The following FOXP2 variants were observed in gnomAD, a reference collection of about 807,000 sequenced individuals.
The protein encoded by FOXP2 is forkhead box protein P2.
A neutral mutation model predicts 115.8 loss-of-function variants in FOXP2; 12 were observed. That is an observed-to-expected ratio of 0.10 (90% confidence interval 0.07 to 0.17). The LOEUF is 0.17. Ranked by LOEUF, FOXP2 falls within the 10% of genes least tolerant of loss-of-function variation. The pLI, the probability that FOXP2 is intolerant of heterozygous loss-of-function variation, is 1.00. For synonymous variants in FOXP2, 328 were observed against 297.7 expected (o/e 1.10, Z -1.05); for missense variants, 629 against 843.5 (o/e 0.75, Z 3.15).
intron 1 of FOXP2, among the ~76,000 whole-genome samples, chr7:114,220,871 AAAAG>A (rs1395552163): frequency 6.6e-6 from 1 of 152,204 alleles, no homozygotes; most frequent in African/African-American, 2.4e-5. Context: ...CTTTTAGACT[AAAAG>A]AAAACTCTCT....
chr7:114,325,540 C>T (rs553301533), intron 2 of FOXP2, among the ~76,000 whole-genome samples: 55 of 151,674 alleles, frequency 3.6e-4, no homozygotes, highest in African/African-American at 1.3e-3. Flanking sequence ...CTAATTTTCT[C>T]AGTATATATC....
chr7:114,359,398 G>C lies in FOXP2; in HGVS notation c.-10-67104G>C, dbSNP rs565688640. Among the ~76,000 whole-genome samples the C allele has an allele frequency of 5.3e-5, 8 of 152,330 alleles. 1 individual carries two copies. The highest frequency in any genetic ancestry group is 5.2e-4 in the Admixed American group (8 of 15,306). On this transcript the variant is annotated intron_variant, in intron 2 of 17. Transcript: ENST00000634411. ...AGCACAAAAGGGAAATGTGGGGTGG[G>C]AGCCCCCACAAATGGTCCTCACTCG...
At chr7:114,153,550 TG>T (rs1254906488) in intron 1 of FOXP2, among the ~76,000 whole-genome samples, 1 of 152,108 alleles carries the variant, frequency 6.6e-6, no homozygotes, top group Non-Finnish European at 1.5e-5. Context: ...TTTCTAGCAT[TG>T]GGGGGAATTA....
rs556649335 is a variant in FOXP2, at chr7:114,514,369, CCTGT to C, written c.169-20245_169-20242del. ...CAACAGATATCTTAAATTTATTCCT[CCTGT>C]CTAACTGAAATTTTATGTCCTTTGA... On this transcript the variant is annotated intron_variant, in intron 2 of 16. Coordinates refer to ENST00000350908, the MANE Select transcript of FOXP2 (RefSeq NM_014491.4). Among the ~76,000 whole-genome samples, 239 of 152,134 alleles carry C rather than the reference CCTGT, an allele frequency of 1.6e-3. 1 individual carries two copies. The highest frequency in any genetic ancestry group is 5.3e-3 in the African/African-American group (222 of 41,546).
intron 16 of FOXP2, chr7:114,668,862 A>C (rs1807329359): frequency 2.0e-5 from 3 of 152,130 alleles, no homozygotes; most frequent in African/African-American, 7.2e-5. Flanking sequence ...GATTACAGTT[A>C]ATTAGAAATG....
At chr7:114,678,719 A>AT (rs1214375441) in intron 16 of FOXP2, among the ~76,000 whole-genome samples, 1 of 152,028 alleles carries the variant, frequency 6.6e-6, no homozygotes, top group African/African-American at 2.4e-5. Flanking sequence ...TATTGTGGCC[A>AT]TTGCTGTTAC....
At chr7:114,363,374 T>G (rs1791796671) in intron 2 of FOXP2, among the ~76,000 whole-genome samples, 1 of 152,138 alleles carries the variant, frequency 6.6e-6, no homozygotes, top group Non-Finnish European at 1.5e-5. Flanking sequence ...TGACATAGGA[T>G]TTTGGATGAC....
At chr7:114,155,243 A>C (rs1458366807) in intron 1 of FOXP2, among the ~76,000 whole-genome samples, 2 of 152,088 alleles carry the variant, frequency 1.3e-5, no homozygotes, top group Non-Finnish European at 2.9e-5. Context: ...CTGAACATCT[A>C]GTTCAAGCCA....
At chr7:114,554,738 C>T (rs1800375459) in intron 3 of FOXP2, among the ~76,000 whole-genome samples, 1 of 151,996 alleles carries the variant, frequency 6.6e-6, no homozygotes, top group African/African-American at 2.4e-5. Context: ...AAGTTCTTTC[C>T]AGAAATTGCA....
At chr7:114,128,424 T>G (rs1405739070) in intron 1 of FOXP2, among the ~76,000 whole-genome samples, 1 of 138,290 alleles carries the variant, frequency 7.2e-6, no homozygotes, top group Non-Finnish European at 1.5e-5. Context: ...TTAAATTTCT[T>G]TTTTTTTTTT....
chr7:114,692,615 G>A lies in FOXP2; in HGVS notation c.*2689G>A, dbSNP rs78781283. Reference sequence around the variant, plus strand: ...ATCTGCTTTTCTGCATCTGCTTTGCGTAGCTATTGTAAGGCTTTGAACTAA... The same window carrying A: ...ATCTGCTTTTCTGCATCTGCTTTGCATAGCTATTGTAAGGCTTTGAACTAA... On this transcript the variant is annotated 3_prime_UTR_variant, in exon 17 of 17. Transcript: ENST00000350908. 4.4e-4 allele frequency: 199 copies of A among 451,020 alleles called. No homozygotes were observed. The highest frequency in any genetic ancestry group is 3.0e-3 in the African/African-American group (149 of 49,890). 27.9% of individuals were successfully genotyped at this position (451,020 alleles called of 1,614,324 possible). A position where few individuals can be genotyped will look rare whatever the true frequency, so the allele number is the denominator to read the frequency against.
upstream of FOXP2, among the ~76,000 whole-genome samples, chr7:114,087,302 C>G (rs984736656): frequency 6.6e-6 from 1 of 152,178 alleles, no homozygotes; most frequent in Non-Finnish European, 1.5e-5. Context: ...TCGGGATAAC[C>G]GTGCACAGGG....
At chr7:114,154,304 C>G (rs1792601755) in intron 1 of FOXP2, among the ~76,000 whole-genome samples, 1 of 151,768 alleles carries the variant, frequency 6.6e-6, no homozygotes, top group South Asian at 2.1e-4. Flanking sequence ...GTTGTCCAAA[C>G]TCAATTGTCA....
At chr7:114,244,980 T>C (rs1222031860) in intron 1 of FOXP2, among the ~76,000 whole-genome samples, 2 of 152,148 alleles carry the variant, frequency 1.3e-5, no homozygotes, top group African/African-American at 4.8e-5. Context: ...GCCAGGATGG[T>C]CTCGATCTCC....
chr7:114,343,597 G>C (rs1038590718), intron 2 of FOXP2, among the ~76,000 whole-genome samples: 1 of 151,612 alleles, frequency 6.6e-6, no homozygotes, highest in East Asian at 1.9e-4. Context: ...AAAACTATCA[G>C]TTAACTCACC....
intron 1 of FOXP2, among the ~76,000 whole-genome samples, chr7:114,418,068 C>T (rs1015189275): frequency 3.9e-5 from 6 of 151,960 alleles, no homozygotes; most frequent in African/African-American, 1.2e-4. Context: ...AACAACAAGG[C>T]GTTATACTCA....
intron 3 of FOXP2, among the ~76,000 whole-genome samples, chr7:114,585,081 A>C (rs1247288596): frequency 6.6e-6 from 1 of 152,200 alleles, no homozygotes; most frequent in African/African-American, 2.4e-5. Flanking sequence ...AGCAATATTC[A>C]ATTTTATTTT....
chr7:114,452,044 C>A (rs973988334), intron 2 of FOXP2, among the ~76,000 whole-genome samples: 4 of 152,042 alleles, frequency 2.6e-5, no homozygotes, highest in African/African-American at 7.2e-5. Flanking sequence ...AGATCAGACA[C>A]ATATTTGTCT....
At chr7:114,517,730 T>A (rs1798415385) in intron 2 of FOXP2, among the ~76,000 whole-genome samples, 1 of 152,194 alleles carries the variant, frequency 6.6e-6, no homozygotes, top group South Asian at 2.1e-4. Flanking sequence ...TGCTATAGCT[T>A]CATAGTAGAT....
Sources: gnomAD v4.1 joint callset for allele counts (sites outside exome capture counted in the v4.1 genomes callset) on GRCh38, gnomAD v4.1.1 for gene constraint, MANE v1.5 for transcripts, NCBI Gene and HGNC (gene_info 2026-07-23, HGNC 2026-07-21) for gene names.